The following SLC25A24 variants were observed in gnomAD, a reference collection of about 807,000 sequenced individuals.
The protein encoded by SLC25A24 is solute carrier family 25 member 24, also known as mitochondrial adenyl nucleotide antiporter SLC25A24.
SLC25A24 carries 49 observed loss-of-function variants against 60.7 expected under a neutral mutation model. That is an observed-to-expected ratio of 0.81 (90% CI 0.64 to 1.02). The LOEUF (loss-of-function observed/expected upper bound fraction) is 1.02. Among genes scored for constraint, SLC25A24 ranks in the 50% least tolerant of loss-of-function variants. SLC25A24 has a pLI of 0.00. For missense variants in SLC25A24, 564 were observed against 586.3 expected (o/e 0.96, Z 0.39); for synonymous variants, 202 against 200.6 (o/e 1.01, Z -0.06).
intron 3 of SLC25A24, among the ~76,000 whole-genome samples, chr1:108,162,727 T>C (rs1680124093): frequency 6.6e-6 from 1 of 152,072 alleles, no homozygotes; most frequent in African/African-American, 2.4e-5. Flanking sequence ...GCAAAAATTT[T>C]CTCCCATTTT....
intron 7 of SLC25A24, among the ~76,000 whole-genome samples, chr1:108,146,446 T>C (rs912632615): frequency 2.4e-4 from 37 of 152,170 alleles, no homozygotes; most frequent in Admixed American, 2.4e-3. Context: ...GAACTTCCAA[T>C]ACTACGTTGA....
chr1:108,163,863 T>A (rs925038719), intron 3 of SLC25A24, among the ~76,000 whole-genome samples: 1 of 152,344 alleles, frequency 6.6e-6, no homozygotes, highest in African/African-American at 2.4e-5. Flanking sequence ...CATCCCTGTC[T>A]TGTGCCAGTT....
chr1:108,160,619 A>AGCG (rs1680043279), intron 4 of SLC25A24, among the ~76,000 whole-genome samples: 1 of 152,174 alleles, frequency 6.6e-6, no homozygotes, highest in African/African-American at 2.4e-5. Context: ...TGGAGGTTGT[A>AGCG]GCGAGCCGAG....
At chr1:108,144,630 T>C (rs1043334743) in intron 7 of SLC25A24, among the ~76,000 whole-genome samples, 3 of 152,136 alleles carry the variant, frequency 2.0e-5, no homozygotes, top group Non-Finnish European at 4.4e-5. Context: ...CCTCCCTGTG[T>C]CCATGTATTC....
At chr1:108,185,703 A>G in intron 2 of SLC25A24, 125 bp downstream of exon 2, 1 of 704,952 alleles carries the variant, frequency 1.4e-6, no homozygotes, top group South Asian at 2.1e-5. Context: ...TACTAAAAAA[A>G]AGTATTAACA....
At chr1:108,140,613 A>G (rs149642947) in intron 8 of SLC25A24, among the ~76,000 whole-genome samples, 133 of 152,292 alleles carry the variant, frequency 8.7e-4, no homozygotes, top group African/African-American at 3.1e-3. Context: ...AGGATATACA[A>G]TATCAAAAGA....
intron 3 of SLC25A24, among the ~76,000 whole-genome samples, chr1:108,172,433 T>C (rs1391453187): frequency 6.6e-6 from 1 of 152,228 alleles, no homozygotes; most frequent in Non-Finnish European, 1.5e-5. Context: ...ATCTGCTCAG[T>C]TTCTGGTGAG....
chr1:108,184,156 T>C (rs557991535), intron 2 of SLC25A24, among the ~76,000 whole-genome samples: 2 of 152,352 alleles, frequency 1.3e-5, no homozygotes, highest in Non-Finnish European at 2.9e-5. Flanking sequence ...TCTTTAATTA[T>C]TGCCTCTGGT....
intron 4 of SLC25A24, among the ~76,000 whole-genome samples, chr1:108,158,630 A>G (rs1679967225): frequency 6.6e-6 from 1 of 152,036 alleles, no homozygotes; most frequent in Admixed American, 6.6e-5. Context: ...ACTAGTGGCA[A>G]TGTGAACTCC....
In SLC25A24 at chr1:108,191,016, C is replaced by T. The variant is rs142821391; in HGVS notation, c.184-5062G>A. Among the ~76,000 whole-genome samples, 297 of 140,242 alleles carry T rather than the reference C, an allele frequency of 2.1e-3. 22 individuals carry two copies. Among genetic ancestry groups the T allele is most frequent in the African/African-American group, 7.1e-3 (287 of 40,430 alleles). The allele number at this position is 140,242 out of a possible 152,430, so 92.0% of individuals were successfully genotyped here. A position where few individuals can be genotyped will look rare whatever the true frequency, so the allele number is the denominator to read the frequency against. On this transcript the variant is annotated intron_variant, in intron 1 of 9. Coordinates refer to ENST00000565488, the MANE Select transcript of SLC25A24 (RefSeq NM_013386.5). Reference sequence around the variant, plus strand: ...AGGAAGAAATGTGTTTCAAAAGATTCGACTTGATAGCTAACCCAGAATTTC... The same window carrying T: ...AGGAAGAAATGTGTTTCAAAAGATTTGACTTGATAGCTAACCCAGAATTTC...
chr1:108,160,392 A>G (rs1345464992), intron 4 of SLC25A24, among the ~76,000 whole-genome samples: 1 of 138,650 alleles, frequency 7.2e-6, no homozygotes, highest in East Asian at 2.2e-4. Context: ...ATCCCAGACG[A>G]TGGGCGGCCG....
At position 108,178,730 on chromosome 1, in the gene SLC25A24, C is replaced by T. The variant is rs1217395071; in HGVS notation, c.398+3211G>A. On this transcript the variant is annotated intron_variant, in intron 3 of 9. Transcript: ENST00000565488. Reference sequence around the variant, plus strand: ...TCGGGAGGCTGAGGCAGGAGAATGACGGGAACCCGGGAGGCGGAGCTTGCA... The same window carrying T: ...TCGGGAGGCTGAGGCAGGAGAATGATGGGAACCCGGGAGGCGGAGCTTGCA... Among the ~76,000 whole-genome samples the T allele has an allele frequency of 3.3e-5, 5 of 151,918 alleles. No individual in the cohort carries two copies. In the South Asian group the frequency reaches 6.2e-4, roughly 19 times the overall value.
At chr1:108,179,370 C>T (rs532422582) in intron 3 of SLC25A24, among the ~76,000 whole-genome samples, 2 of 152,158 alleles carry the variant, frequency 1.3e-5, no homozygotes, top group South Asian at 2.1e-4. Context: ...CCATATGATC[C>T]TGCAATCCCA....
intron 1 of SLC25A24, among the ~76,000 whole-genome samples, chr1:108,188,262 C>T (rs1648217690): frequency 1.3e-5 from 2 of 152,042 alleles, no homozygotes; most frequent in South Asian, 2.1e-4. Context: ...GAAAAATTAT[C>T]GATTGGGTAC....
At chr1:108,180,171 C>T (rs1401507541) in intron 3 of SLC25A24, among the ~76,000 whole-genome samples, 4 of 151,778 alleles carry the variant, frequency 2.6e-5, no homozygotes, top group African/African-American at 9.7e-5. Context: ...CGAGACAAGC[C>T]TGACCAATAT....
chr1:108,192,658 A>T (rs377209028), intron 1 of SLC25A24: 2 of 1,483,530 alleles, frequency 1.3e-6, no homozygotes, highest in African/African-American at 2.7e-5. Context: ...GGCCTGAGTG[A>T]GCCCCAGCGG....
At chr1:108,141,824 C>T (rs917930038) in intron 8 of SLC25A24, among the ~76,000 whole-genome samples, 7 of 152,016 alleles carry the variant, frequency 4.6e-5, no homozygotes, top group East Asian at 1.9e-4. Flanking sequence ...ACTCATAAAA[C>T]GAGAAAGTAG....
rs532485349 is a variant in SLC25A24, at chr1:108,180,616, A to ATCCCTCTC, written c.398+1324_398+1325insGAGAGGGA. ...CCTTATAATAGAAAGCAAGAGAAAG[A>ATCCCTCTC]TCTCTCTCTCTCTCTCTCTCTCTCT... On this transcript the variant is annotated intron_variant, in intron 3 of 9. Transcript: ENST00000565488. Among the ~76,000 whole-genome samples, 250 of 61,786 alleles carry ATCCCTCTC rather than the reference A, an allele frequency of 4.0e-3. 20 individuals are homozygous for ATCCCTCTC. The highest frequency in any genetic ancestry group is 0.016 in the African/African-American group (231 of 14,514). The allele number at this position is 61,786 out of a possible 152,430, so 40.5% of individuals were successfully genotyped here. A position where few individuals can be genotyped will look rare whatever the true frequency, so the allele number is the denominator to read the frequency against.
intron 3 of SLC25A24, among the ~76,000 whole-genome samples, chr1:108,166,001 T>C (rs140449433): frequency 0.18 from 28,119 of 152,076 alleles, 2,798 homozygotes; most frequent in Admixed American, 0.21. Flanking sequence ...GGTGACAAAA[T>C]CTCTCAGCAT....
Sources: allele counts gnomAD v4.1 joint callset (sites outside exome capture counted in the v4.1 genomes callset), GRCh38; gene constraint gnomAD v4.1.1; transcripts MANE v1.5; gene names NCBI Gene and HGNC (gene_info 2026-07-23, HGNC 2026-07-21).